Variants in GPR137B observed in about 807,000 individuals in gnomAD.
GPR137B encodes the protein integral membrane protein GPR137B.
In GPR137B, 42 loss-of-function variants were observed where a neutral mutation model predicts 42.5. The ratio of observed to expected loss-of-function variants is 0.99; its 90% confidence interval spans 0.77 to 1.28. The LOEUF is 1.28. Ranked by LOEUF, GPR137B falls within the 50% of genes most tolerant of loss-of-function variation. GPR137B has a pLI of 0.00. For missense variants in GPR137B, 487 were observed against 493.9 expected (o/e 0.99, Z 0.13); for synonymous variants, 218 against 209.7 (o/e 1.04, Z -0.34).
At chr1:236,199,930 T>G (rs1184973734) in intron 5 of GPR137B, among the ~76,000 whole-genome samples, 2 of 152,046 alleles carry the variant, frequency 1.3e-5, no homozygotes, top group African/African-American at 4.8e-5. Context: ...TCTAATTCCT[T>G]GAGGTAGGAC....
chr1:236,161,251 C>G lies in GPR137B; in HGVS notation c.415-7455C>G, dbSNP rs140965084. On this transcript the variant is annotated intron_variant, in intron 1 of 6. Transcript: ENST00000366592. ...CATTTCAGCTGTGCCAATGCTCCCC[C>G]GAAGCTCTCCGCACCCTTACCCTGG... 3.3e-5 allele frequency among the ~76,000 whole-genome samples: 5 copies of G among 152,186 alleles called. No homozygotes were observed. The South Asian group carries it at 1.0e-3, about 32-fold the overall frequency.
At chr1:236,145,421 C>A (rs1661655193) in intron 1 of GPR137B, among the ~76,000 whole-genome samples, 1 of 152,182 alleles carries the variant, frequency 6.6e-6, no homozygotes, top group African/African-American at 2.4e-5. Context: ...AGCATACTTT[C>A]GATCTCGGCT....
chr1:236,146,403 A>T (rs2102887808), intron 1 of GPR137B, among the ~76,000 whole-genome samples: 1 of 152,236 alleles, frequency 6.6e-6, no homozygotes, highest in Admixed American at 6.5e-5. Context: ...GGTGGGAAGG[A>T]AGTCGTGGGG....
chr1:236,178,290 G>T, intron 2 of GPR137B, 124 bp from the exon 3 acceptor site: 1 of 644,924 alleles, frequency 1.6e-6, no homozygotes. Context: ...TCTATTGCCA[G>T]AGTCCAAGCT....
chr1:236,179,757 A>G (rs547610497), intron 3 of GPR137B, 122 bp from the exon 4 acceptor site: 11 of 660,512 alleles, frequency 1.7e-5, no homozygotes, highest in African/African-American at 1.4e-4. Flanking sequence ...GGAAGACCCA[A>G]CAAGATCACA....
intron 1 of GPR137B, among the ~76,000 whole-genome samples, chr1:236,157,474 C>CTCG (rs1662067356): frequency 6.6e-6 from 1 of 152,174 alleles, no homozygotes; most frequent in Non-Finnish European, 1.5e-5. Flanking sequence ...CCGCCTCCCC[C>CTCG]ACCTCCCAAA....
chr1:236,142,955 C>T lies in GPR137B; in HGVS notation c.333C>T (p.Pro111=). The change falls in exon 1 of 7, where the codon CCC becomes CCT. Residue 111 remains proline, a synonymous_variant. Coordinates refer to ENST00000366592, the MANE Select transcript of GPR137B (RefSeq NM_003272.4). ...TCGTGGCGGCCAATTCGCTCAGCCC[C>T]TTCGTCTTCTGGCTGCTCTACTGCT... ...KDFVAANSLS[P]FVFWLLYCFP... 2 of 1,614,202 alleles carry T rather than the reference C, an allele frequency of 1.2e-6. No homozygotes were observed. Among genetic ancestry groups the T allele is most frequent in the South Asian group, 1.1e-5 (1 of 91,082 alleles).
At chr1:236,203,378 T>TA (rs1663556081) in intron 5 of GPR137B, among the ~76,000 whole-genome samples, 1 of 152,110 alleles carries the variant, frequency 6.6e-6, no homozygotes, top group African/African-American at 2.4e-5. Context: ...TGCCTGGCCC[T>TA]ATGTGTCTGT....
At position 236,142,743 on chromosome 1, in the gene GPR137B, G is replaced by C; in HGVS notation, c.121G>C (p.Val41Leu). 5.0e-6 allele frequency: 8 copies of C among 1,609,600 alleles called. No individual in the cohort carries two copies. The highest frequency in any genetic ancestry group is 6.8e-6 in the Non-Finnish European group (8 of 1,178,850). Residue 41 changes from valine (V) to leucine (L), a missense_variant, in exon 1 of 7, where the codon GTG becomes CTG. By Grantham distance (32) the Val-to-Leu change is conservative. Coordinates refer to ENST00000366592, the MANE Select transcript of GPR137B (RefSeq NM_003272.4). The part of the protein sequence containing the change: ...PTLTPAVPPY[V>L]KLGLTVVYTV... The stretch of plus-strand genomic sequence containing the variant: ...GCTGACCCCGGCCGTGCCCCCCTAC[G>C]TGAAGCTTGGCCTCACCGTCGTCTA...
At chr1:236,197,302 A>G (rs1419629580) in intron 5 of GPR137B, among the ~76,000 whole-genome samples, 1 of 152,118 alleles carries the variant, frequency 6.6e-6, no homozygotes, top group Non-Finnish European at 1.5e-5. Flanking sequence ...TGCTGGATGC[A>G]TAGTCTGTGA....
intron 2 of GPR137B, among the ~76,000 whole-genome samples, chr1:236,176,782 A>T (rs1056255720): frequency 2.6e-5 from 4 of 152,112 alleles, no homozygotes; most frequent in Non-Finnish European, 5.9e-5. Context: ...TTCTTCGTGG[A>T]GACCCTGCCA....
intron 1 of GPR137B, among the ~76,000 whole-genome samples, chr1:236,152,241 C>T (rs529875648): frequency 1.1e-4 from 17 of 151,874 alleles, no homozygotes; most frequent in Admixed American, 3.3e-4. Flanking sequence ...GCAGGAGGTT[C>T]GCTTGAGCCC....
chr1:236,168,646 A>G, intron 1 of GPR137B, 60 bp from the exon 2 acceptor site: 2 of 1,237,608 alleles, frequency 1.6e-6, no homozygotes, highest in Non-Finnish European at 2.4e-6. Context: ...CAGTGATGGT[A>G]TCAGTCTGGT....
intron 1 of GPR137B, among the ~76,000 whole-genome samples, chr1:236,162,953 A>AC (rs1442760547): frequency 3.3e-5 from 5 of 152,154 alleles, no homozygotes; most frequent in Non-Finnish European, 2.9e-5. Flanking sequence ...TGTCCTCCAG[A>AC]CCTCAGAATG....
chr1:236,196,520 GT>G (rs1261975192), intron 5 of GPR137B, among the ~76,000 whole-genome samples: 2 of 152,186 alleles, frequency 1.3e-5, no homozygotes, highest in Admixed American at 6.5e-5. Flanking sequence ...ACATGGAAAA[GT>G]TGTTTAGTGG....
chr1:236,192,104 C>A (rs57879176), intron 5 of GPR137B, among the ~76,000 whole-genome samples: 1 of 152,176 alleles, frequency 6.6e-6, no homozygotes, highest in Admixed American at 6.5e-5. Flanking sequence ...AACTTCCCAG[C>A]GGCTTTGTTT....
At chr1:236,180,090 G>T (rs1360085183) in intron 4 of GPR137B, 62 bp downstream of exon 4, 1 of 1,445,504 alleles carries the variant, frequency 6.9e-7, no homozygotes. Context: ...TCGAGGCATT[G>T]GTTCCAGGAC....
chr1:236,173,174 C>G (rs910503663), intron 2 of GPR137B, among the ~76,000 whole-genome samples: 1 of 151,368 alleles, frequency 6.6e-6, no homozygotes, highest in Admixed American at 6.6e-5. Context: ...GCCTGTATTC[C>G]CAGCTACTTG....
chr1:236,190,843 A>G (rs962669767), intron 5 of GPR137B, among the ~76,000 whole-genome samples: 1 of 152,148 alleles, frequency 6.6e-6, no homozygotes, highest in African/African-American at 2.4e-5. Flanking sequence ...CTTAAGGAGT[A>G]TCTTTGTGGT....
Sources: gnomAD v4.1 joint callset for allele counts (sites outside exome capture counted in the v4.1 genomes callset) on GRCh38, gnomAD v4.1.1 for gene constraint, MANE v1.5 for transcripts, NCBI Gene and HGNC (gene_info 2026-07-23, HGNC 2026-07-21) for gene names.